Variants in CFAP299 observed in about 807,000 individuals in gnomAD.
CFAP299 encodes the protein cilia- and flagella-associated protein 299.
In CFAP299, 21 loss-of-function variants were observed where a neutral mutation model predicts 27.0. That is an observed-to-expected ratio of 0.78 (90% CI 0.55 to 1.12). The LOEUF is 1.12. CFAP299 is among the 50% of genes most tolerant of loss of function. The pLI, the probability that CFAP299 is intolerant of heterozygous loss-of-function variation, is 0.00. For missense variants in CFAP299, 310 were observed against 276.6 expected (o/e 1.12, Z -0.86); for synonymous variants, 104 against 98.1 (o/e 1.06, Z -0.36).
chr4:80,734,506 T>C (rs548456017), intron 3 of CFAP299, among the ~76,000 whole-genome samples: 7 of 152,140 alleles, frequency 4.6e-5, no homozygotes, highest in Non-Finnish European at 1.0e-4. Flanking sequence ...TTTGGTTGCC[T>C]GTGCTTGTGG....
intron 4 of CFAP299, chr4:80,870,681 G>T: frequency 1.0e-6 from 1 of 985,366 alleles, no homozygotes. Context: ...TCACAGATGG[G>T]TTCTTCTACT....
chr4:80,728,276 A>G (rs1353890173), intron 3 of CFAP299, among the ~76,000 whole-genome samples: 3 of 152,112 alleles, frequency 2.0e-5, no homozygotes, highest in African/African-American at 4.8e-5. Flanking sequence ...CTTAACTTCC[A>G]TATCCACAAA....
rs775080984 is a variant in CFAP299 at position 80,688,123 on chromosome 4, G to T, written c.333+104940G>T. Among the ~76,000 whole-genome samples, 3 of 152,192 alleles carry T rather than the reference G, an allele frequency of 2.0e-5. No individual in the cohort carries two copies. In the South Asian group the frequency reaches 6.2e-4, roughly 31 times the overall value. The stretch of plus-strand genomic sequence containing the variant: ...CAGCGAGGCTGGGGGAGGGGCGCCC[G>T]CCATTGCCCAGGCTTGCTTAGGTAA... On this transcript the variant is annotated intron_variant, in intron 3 of 5. Coordinates refer to ENST00000358105, the MANE Select transcript of CFAP299 (RefSeq NM_152770.3).
intron 4 of CFAP299, among the ~76,000 whole-genome samples, chr4:80,888,051 A>G (rs1342015862): frequency 2.0e-5 from 3 of 152,044 alleles, no homozygotes; most frequent in Admixed American, 6.6e-5. Context: ...AATGTAGACA[A>G]GAAGGAAGCA....
At chr4:80,936,237 C>G (rs1736881279) in intron 4 of CFAP299, among the ~76,000 whole-genome samples, 1 of 152,044 alleles carries the variant, frequency 6.6e-6, no homozygotes, top group South Asian at 2.1e-4. Flanking sequence ...GTGCTGATTC[C>G]TCAATGACCT....
At position 80,687,520 on chromosome 4, in the gene CFAP299, G is replaced by T. The variant is rs181597289; in HGVS notation, c.333+104337G>T. On this transcript the variant is annotated intron_variant, in intron 3 of 5. Transcript: ENST00000358105. ...GCCATTGCAGTTGTAAATTCTTTGA[G>T]ATCAGGGTTTGAGTCTTGTATCCAA... Among the ~76,000 whole-genome samples the T allele has an allele frequency of 3.9e-5, 6 of 152,300 alleles. No homozygotes were observed. In the East Asian group the frequency reaches 1.2e-3, roughly 29 times the overall value.
chr4:80,882,083 T>A (rs1733732647), intron 4 of CFAP299, among the ~76,000 whole-genome samples: 1 of 152,004 alleles, frequency 6.6e-6, no homozygotes. Flanking sequence ...TGAAAAAGAC[T>A]GAAGAAAGCC....
chr4:80,832,997 AAG>A (rs1335904551), intron 3 of CFAP299, among the ~76,000 whole-genome samples: 5 of 152,136 alleles, frequency 3.3e-5, no homozygotes, highest in South Asian at 2.1e-4. Context: ...CATATTTAAA[AAG>A]AGTCTAAAGA....
intron 5 of CFAP299, among the ~76,000 whole-genome samples, chr4:80,960,469 C>G (rs980984280): frequency 1.3e-5 from 2 of 151,814 alleles, no homozygotes; most frequent in Admixed American, 1.3e-4. Flanking sequence ...CAGTTATCAA[C>G]TACATAAGTG....
At chr4:80,583,032 C>T in intron 2 of CFAP299, 61 bp from the exon 3 acceptor site, 1 of 1,055,842 alleles carries the variant, frequency 9.5e-7, no homozygotes, top group Non-Finnish European at 1.4e-6. Context: ...TTGTTGGCTC[C>T]AGAGTGTTGG....
intron 4 of CFAP299, among the ~76,000 whole-genome samples, chr4:80,878,153 C>T (rs1733515177): frequency 6.6e-6 from 1 of 152,070 alleles, no homozygotes; most frequent in African/African-American, 2.4e-5. Flanking sequence ...AATTACATTG[C>T]TTGTGTCTCT....
intron 3 of CFAP299, among the ~76,000 whole-genome samples, chr4:80,584,231 G>T (rs1166834792): frequency 6.6e-6 from 1 of 151,958 alleles, no homozygotes; most frequent in Non-Finnish European, 1.5e-5. Flanking sequence ...TATTACGAAT[G>T]CATTTTCTCA....
At chr4:80,695,674 CTT>C (rs5859732) in intron 3 of CFAP299, among the ~76,000 whole-genome samples, 14 of 136,894 alleles carry the variant, frequency 1.0e-4, no homozygotes, top group African/African-American at 1.1e-4. Context: ...CCTTATCATC[CTT>C]TTTTTTTTTT....
intron 2 of CFAP299, among the ~76,000 whole-genome samples, chr4:80,410,274 G>A (rs1726656354): frequency 6.6e-6 from 1 of 152,188 alleles, no homozygotes; most frequent in South Asian, 2.1e-4. Context: ...AAGGAATACG[G>A]GGAAGTTTAA....
intron 4 of CFAP299, among the ~76,000 whole-genome samples, chr4:80,928,680 G>A (rs1306552891): frequency 4.6e-5 from 7 of 152,004 alleles, no homozygotes; most frequent in South Asian, 2.1e-4. Context: ...TTAAAGAACA[G>A]AATTTTAATC....
At chr4:80,764,163 G>A (rs1725710499) in intron 3 of CFAP299, among the ~76,000 whole-genome samples, 1 of 151,990 alleles carries the variant, frequency 6.6e-6, no homozygotes, top group Admixed American at 6.6e-5. Context: ...GAGTGAACAG[G>A]CAACCTACAG....
chr4:80,337,294 G>A (rs1253783595), intron 1 of CFAP299, among the ~76,000 whole-genome samples: 2 of 151,942 alleles, frequency 1.3e-5, no homozygotes, highest in African/African-American at 4.8e-5. Flanking sequence ...TATTAAGAAA[G>A]GTTTTAATAT....
chr4:80,471,410 T>G (rs911823070), intron 2 of CFAP299, among the ~76,000 whole-genome samples: 1 of 151,900 alleles, frequency 6.6e-6, no homozygotes, highest in Non-Finnish European at 1.5e-5. Context: ...TTATATATTA[T>G]GCCTTAAAAT....
intron 3 of CFAP299, among the ~76,000 whole-genome samples, chr4:80,651,761 TAATA>T (rs1041967416): frequency 1.3e-5 from 2 of 150,064 alleles, no homozygotes; most frequent in Non-Finnish European, 3.0e-5. Context: ...TGGTGGACTA[TAATA>T]AATAGGCACA....
Sources: gnomAD v4.1 joint callset for allele counts (sites outside exome capture counted in the v4.1 genomes callset) on GRCh38, gnomAD v4.1.1 for gene constraint, MANE v1.5 for transcripts, NCBI Gene and HGNC (gene_info 2026-07-23, HGNC 2026-07-21) for gene names.